TAFA2: variants seen among roughly 807,000 people sequenced by gnomAD.
TAFA2 encodes TAFA chemokine like family member 2.
Under a neutral mutation model 18.8 loss-of-function variants are expected in TAFA2, and 7 were observed. That is an observed-to-expected ratio of 0.37 (90% CI 0.21 to 0.70). TAFA2 has a LOEUF of 0.70. Ranked by LOEUF, TAFA2 falls within the 30% of genes least tolerant of loss-of-function variation. The pLI is 0.53. For missense variants in TAFA2, 122 were observed against 158.1 expected (o/e 0.77, Z 1.23); for synonymous variants, 60 against 54.2 (o/e 1.11, Z -0.47).
chr12:62,194,790 G>C (rs760960406), upstream of TAFA2, among the ~76,000 whole-genome samples: 6 of 152,048 alleles, frequency 3.9e-5, no homozygotes, highest in Non-Finnish European at 7.4e-5. Flanking sequence ...TGCAGGTTTG[G>C]TTCCAAACCA....
At chr12:61,811,824 A>G (rs895328494) in intron 2 of TAFA2, among the ~76,000 whole-genome samples, 5 of 151,518 alleles carry the variant, frequency 3.3e-5, no homozygotes, top group Non-Finnish European at 5.9e-5. Flanking sequence ...ACAAAGAGGT[A>G]GAAAGACAAT....
intron 4 of TAFA2, among the ~76,000 whole-genome samples, chr12:61,734,902 A>C (rs1868279107): frequency 6.6e-6 from 1 of 151,982 alleles, no homozygotes; most frequent in Admixed American, 6.6e-5. Flanking sequence ...TATACTCACT[A>C]TTTTTATGAG....
intron 1 of TAFA2, among the ~76,000 whole-genome samples, chr12:62,124,301 TA>T (rs3031081): frequency 4.2e-4 from 62 of 147,232 alleles, no homozygotes; most frequent in African/African-American, 6.0e-4. Flanking sequence ...CTGAGGAAGT[TA>T]AAAAAAAAAG....
intron 1 of TAFA2, among the ~76,000 whole-genome samples, chr12:61,896,317 G>A (rs1282722724): frequency 6.6e-6 from 1 of 152,092 alleles, no homozygotes; most frequent in African/African-American, 2.4e-5. Flanking sequence ...GCAGTCAAAA[G>A]CACAAATTAA....
intron 1 of TAFA2, among the ~76,000 whole-genome samples, chr12:62,177,110 T>A (rs903898763): frequency 6.6e-6 from 1 of 152,224 alleles, no homozygotes; most frequent in Non-Finnish European, 1.5e-5. Flanking sequence ...TGTTTACAGA[T>A]CTCCATAGAA....
At chr12:61,721,940 A>G (rs1869920984) in intron 4 of TAFA2, among the ~76,000 whole-genome samples, 1 of 145,006 alleles carries the variant, frequency 6.9e-6, no homozygotes, top group Non-Finnish European at 1.5e-5. Context: ...GGGTGACAAG[A>G]GTGAGACTCT....
intron 1 of TAFA2, among the ~76,000 whole-genome samples, chr12:62,138,106 C>T (rs905131744): frequency 1.3e-5 from 2 of 152,016 alleles, no homozygotes; most frequent in Admixed American, 1.3e-4. Context: ...ATGAGGGCTT[C>T]CCCAGTTATG....
chr12:62,249,005 G>A (rs1024910346), intron 1 of TAFA2, among the ~76,000 whole-genome samples: 6 of 152,102 alleles, frequency 3.9e-5, no homozygotes, highest in African/African-American at 1.2e-4. Context: ...CCAGACAGCA[G>A]TGAGCATGAT....
At chr12:62,157,179 C>T (rs2062375430) in intron 1 of TAFA2, among the ~76,000 whole-genome samples, 2 of 152,036 alleles carry the variant, frequency 1.3e-5, no homozygotes, top group African/African-American at 4.8e-5. Flanking sequence ...TCTTCAATAT[C>T]CAACAACATA....
intron 1 of TAFA2, among the ~76,000 whole-genome samples, chr12:62,082,084 G>T (rs758816216): frequency 6.6e-6 from 1 of 152,062 alleles, no homozygotes; most frequent in African/African-American, 2.4e-5. Flanking sequence ...GAGGATAATG[G>T]CTTCCAACTC....
intron 1 of TAFA2, among the ~76,000 whole-genome samples, chr12:61,915,766 G>C (rs935566836): frequency 1.3e-5 from 2 of 152,190 alleles, no homozygotes; most frequent in African/African-American, 4.8e-5. Flanking sequence ...CTCAAGAAGA[G>C]AGAGCACATC....
intron 1 of TAFA2, among the ~76,000 whole-genome samples, chr12:62,034,844 T>C (rs1379473759): frequency 2.6e-5 from 4 of 152,282 alleles, no homozygotes; most frequent in East Asian, 1.9e-4. Context: ...TTTCTTAATA[T>C]AGAAGCAATG....
intron 1 of TAFA2, among the ~76,000 whole-genome samples, chr12:61,908,614 TAA>T (rs1876465857): frequency 2.0e-5 from 3 of 152,160 alleles, no homozygotes; most frequent in Non-Finnish European, 4.4e-5. Flanking sequence ...TATAGATTTT[TAA>T]AGTTTCTAAC....
intron 1 of TAFA2, among the ~76,000 whole-genome samples, chr12:62,222,016 A>G (rs1036361380): frequency 1.1e-4 from 16 of 152,222 alleles, no homozygotes; most frequent in Non-Finnish European, 1.8e-4. Flanking sequence ...CATGTAAAGC[A>G]AAGAGTCTAA....
chr12:61,922,986 C>T (rs1877121693), intron 1 of TAFA2, among the ~76,000 whole-genome samples: 1 of 152,196 alleles, frequency 6.6e-6, no homozygotes. Flanking sequence ...CCAGGAAGTT[C>T]AAACAGGGTG....
chr12:62,217,955 T>C (rs1268902741), intron 1 of TAFA2, among the ~76,000 whole-genome samples: 2 of 147,266 alleles, frequency 1.4e-5, no homozygotes, highest in African/African-American at 2.5e-5. Context: ...AATTTATCTA[T>C]TTTTATGTAT....
At chr12:62,026,925 CATA>C (rs1401934725) in intron 1 of TAFA2, among the ~76,000 whole-genome samples, 3 of 152,052 alleles carry the variant, frequency 2.0e-5, no homozygotes, top group Non-Finnish European at 4.4e-5. Context: ...TATTTGATTT[CATA>C]ATAATTTTAG....
intron 4 of TAFA2, among the ~76,000 whole-genome samples, chr12:61,712,359 T>C (rs1869453196): frequency 6.6e-6 from 1 of 152,174 alleles, no homozygotes; most frequent in South Asian, 2.1e-4. Flanking sequence ...TCCTCTCAGC[T>C]ATTTACATAT....
chr12:62,072,207 G>A (rs1882649019), intron 1 of TAFA2, among the ~76,000 whole-genome samples: 1 of 152,058 alleles, frequency 6.6e-6, no homozygotes, highest in Admixed American at 6.5e-5. Context: ...GCTCACGCCT[G>A]TAATCCCAGC....
Sources: gnomAD v4.1 joint callset for allele counts (sites outside exome capture counted in the v4.1 genomes callset) on GRCh38, gnomAD v4.1.1 for gene constraint, MANE v1.5 for transcripts, NCBI Gene and HGNC (gene_info 2026-07-23, HGNC 2026-07-21) for gene names.